Variants in HTT observed in about 807,000 individuals in gnomAD.
HTT encodes huntington disease protein.
In HTT, 104 loss-of-function variants were observed where a neutral mutation model predicts 362.3. That is an observed-to-expected ratio of 0.29 (90% confidence interval 0.24 to 0.34). The LOEUF (loss-of-function observed/expected upper bound fraction) is 0.34. Among genes scored for constraint, HTT ranks in the 10% least tolerant of loss-of-function variants. The pLI is 1.00. For synonymous variants in HTT, 1,577 were observed against 1,548.7 expected (o/e 1.02, Z -0.43); for missense variants, 3,301 against 3,928.6 (o/e 0.84, Z 4.27).
At chr4:3,166,752 AG>A (rs1717732981) in intron 29 of HTT, among the ~76,000 whole-genome samples, 1 of 152,268 alleles carries the variant, frequency 6.6e-6, no homozygotes, top group Non-Finnish European at 1.5e-5. Context: ...AGCCAGGCAC[AG>A]GAGAGAATCT....
chr4:3,205,095 G>A (rs1057485163), intron 42 of HTT, among the ~76,000 whole-genome samples: 4 of 152,114 alleles, frequency 2.6e-5, no homozygotes, highest in Non-Finnish European at 5.9e-5. Context: ...AAAATAACTT[G>A]TGGGAGTTTT....
Position 3,154,319 on chromosome 4 carries a change from C to T in HTT, c.3525C>T (p.Pro1175=), listed in dbSNP as rs2110211816. 2 of 1,604,914 alleles carry T rather than the reference C, an allele frequency of 1.2e-6. No homozygotes were observed. Among genetic ancestry groups the T allele is most frequent in the Admixed American group, 1.7e-5 (1 of 58,602 alleles). Residue 1175 remains proline, a synonymous_variant, in exon 27 of 67, where the codon CCC becomes CCT. Coordinates refer to ENST00000355072, the MANE Select transcript of HTT (RefSeq NM_001388492.1). ...IKAALPSLTN[P]PSLSPIRRKG... is the part of the protein sequence containing the mutation. The stretch of plus-strand genomic sequence containing the variant: ...CAGCCTTGCCTTCTCTAACAAACCC[C>T]CCTTCTCTAAGTCCCATCCGACGAA...
intron 3 of HTT, among the ~76,000 whole-genome samples, chr4:3,102,114 C>T (rs1483223519): frequency 1.3e-5 from 2 of 151,940 alleles, no homozygotes; most frequent in Non-Finnish European, 2.9e-5. Flanking sequence ...CCGGTGAGGA[C>T]GTGGGGTAGA....
rs2110279363 is a variant in HTT, at chr4:3,215,130, C to A, written c.6973C>A (p.Gln2325Lys). 6.2e-7 allele frequency: 1 copy of A among 1,613,906 alleles called. No individual in the cohort carries two copies. The highest frequency in any genetic ancestry group is 1.3e-5 in the African/African-American group (1 of 75,040). ...LEAVAVQPGE[Q>K]LLSPERRTNT... is the part of the protein sequence containing the mutation. ...TTTAGTTGCAGTGCAGCCTGGAGAG[C>A]AGCTTCTTAGTCCAGAAAGAAGGAC... The change falls in exon 51 of 67, where the codon CAG (glutamine) becomes AAG (lysine). Residue 2325 changes from glutamine to lysine, a missense_variant. This residue lies in a region of HTT where 220 missense variants were observed against 218.5 expected (regional missense o/e 1.01). Coordinates refer to ENST00000355072, the MANE Select transcript of HTT (RefSeq NM_001388492.1).
At position 3,224,033 on chromosome 4, in the gene HTT, A is replaced by G. The variant is rs374647004; in HGVS notation, c.7667A>G (p.Gln2556Arg). 109 of 1,613,938 alleles carry G rather than the reference A, an allele frequency of 6.8e-5. No homozygotes were observed. Among genetic ancestry groups the G allele is most frequent in the Non-Finnish European group, 8.7e-5 (103 of 1,179,874 alleles). Residue 2556 changes from glutamine to arginine, a missense_variant, in exon 56 of 67, where the codon CAA (glutamine) becomes CGA (arginine). By Grantham distance (43) the Gln-to-Arg change is conservative. Transcript: ENST00000355072. ...AGCATTATCAGAGGGATTGTGGAGC[A>G]AGAGATTCAAGCAATGGTTTCAAAG... ...KLSIIRGIVE[Q>R]EIQAMVSKRE...
Position 3,222,392 on chromosome 4 carries a change from A to G in HTT, c.7375A>G (p.Thr2459Ala). 6.2e-7 allele frequency: 1 copy of G among 1,613,460 alleles called. No homozygotes were observed. ...TGTAACATTTATATTTCTAGGCTGGACCAGTCGTACTCAGTTTGAAGAAAC... is the reference window on the plus strand; with the variant it reads ...TGTAACATTTATATTTCTAGGCTGGGCCAGTCGTACTCAGTTTGAAGAAAC... ...FIYRINTLGWTSRTQFEETWA... is the reference protein window; with the variant it reads ...FIYRINTLGWASRTQFEETWA... Residue 2459 changes from threonine (T) to alanine (A), a missense_variant, in exon 54 of 67, where the codon ACC (threonine) becomes GCC (alanine). Transcript: ENST00000355072.
At chr4:3,214,517 G>A (rs941644110) in intron 50 of HTT, among the ~76,000 whole-genome samples, 1 of 152,058 alleles carries the variant, frequency 6.6e-6, no homozygotes, top group Non-Finnish European at 1.5e-5. Context: ...TAAAATGTTT[G>A]TTTTTATACT....
intron 8 of HTT, among the ~76,000 whole-genome samples, chr4:3,116,925 T>C (rs1258931433): frequency 7.9e-5 from 12 of 152,222 alleles, no homozygotes; most frequent in Non-Finnish European, 2.9e-5. Context: ...TGTCAGGGTT[T>C]TTATTGTGCT....
At chr4:3,212,216 T>G in intron 48 of HTT, 74 bp downstream of exon 48, 1 of 1,164,888 alleles carries the variant, frequency 8.6e-7, no homozygotes, top group Non-Finnish European at 1.2e-6. Flanking sequence ...ACCAAGTAAA[T>G]GTACAATAAA....
Position 3,231,993 on chromosome 4 carries a change from G to A in HTT, c.8266-1170G>A, listed in dbSNP as rs554947060. Among the ~76,000 whole-genome samples the A allele has an allele frequency of 1.8e-4, 28 of 152,294 alleles. No individual in the cohort carries two copies. In the East Asian group the frequency reaches 2.5e-3, roughly 14 times the overall value. On this transcript the variant is annotated intron_variant, in intron 60 of 66. Coordinates refer to ENST00000355072, the MANE Select transcript of HTT (RefSeq NM_001388492.1). ...CATCCTCTGTGAAGGTTTTCAGCGC[G>A]TCATGCTTGGTACCCACGTATCCAG...
intron 2 of HTT, among the ~76,000 whole-genome samples, chr4:3,093,274 C>T (rs1713616050): frequency 6.6e-6 from 1 of 152,228 alleles, no homozygotes; most frequent in African/African-American, 2.4e-5. Context: ...TGGAAAACCT[C>T]AGCTCTCATA....
intron 51 of HTT, 69 bp downstream of exon 51, chr4:3,215,280 G>A (rs1013518081): frequency 4.0e-5 from 46 of 1,148,242 alleles, no homozygotes; most frequent in Admixed American, 7.7e-5. Context: ...TCACAGAGAC[G>A]TGCACCGCGG....
rs955940329 is a variant in HTT at position 3,113,033 on chromosome 4, C to T, written c.748-2271C>T. The T allele has an allele frequency of 9.2e-6, 9 of 978,298 alleles. No homozygotes were observed. In the African/African-American group the frequency reaches 1.6e-4, roughly 17 times the overall value. The allele number at this position is 978,298 out of a possible 1,614,324, so 60.6% of individuals were successfully genotyped here. On this transcript the variant is annotated intron_variant, in intron 6 of 66. Transcript: ENST00000355072. ...GTTTAATGATTCATGCATCTCTTCC[C>T]TTTTGAAGTACTCTTACAGGTATGT...
intron 38 of HTT, 127 bp from the exon 39 acceptor site, chr4:3,187,524 A>T (rs979278412): frequency 2.9e-6 from 2 of 681,950 alleles, no homozygotes; most frequent in Non-Finnish European, 5.2e-6. Flanking sequence ...TTTGGGACTC[A>T]GTGATAGAGA....
intron 51 of HTT, among the ~76,000 whole-genome samples, 166 bp downstream of exon 51, chr4:3,215,377 T>C (rs1055181578): frequency 4.6e-5 from 7 of 152,162 alleles, no homozygotes; most frequent in Non-Finnish European, 1.5e-5. Context: ...GTCCATTGCT[T>C]TGCCAGCTCT....
At chr4:3,078,758 G>A (rs769212756) in intron 1 of HTT, among the ~76,000 whole-genome samples, 10 of 150,948 alleles carry the variant, frequency 6.6e-5, no homozygotes, top group Admixed American at 2.6e-4. Flanking sequence ...CCCCCGAGAC[G>A]GAGTCTTGCT....
At chr4:3,120,183 T>G (rs899788286) in intron 8 of HTT, among the ~76,000 whole-genome samples, 2 of 152,164 alleles carry the variant, frequency 1.3e-5, no homozygotes, top group African/African-American at 4.8e-5. Flanking sequence ...ATATTAAAGA[T>G]AGGGTTGGCA....
At chr4:3,173,328 GC>G in intron 31 of HTT, 197 bp downstream of exon 31, 1 of 582,362 alleles carries the variant, frequency 1.7e-6, no homozygotes, top group Non-Finnish European at 3.1e-6. Context: ...GAAGTGTGTG[GC>G]CAGTGAGTGA....
At chr4:3,212,957 G>T in intron 49 of HTT, 1 of 455,704 alleles carries the variant, frequency 2.2e-6, no homozygotes, top group South Asian at 3.9e-5. Context: ...TACCATGTTA[G>T]GTGGATCCTA....
Sources: allele counts gnomAD v4.1 joint callset (sites outside exome capture counted in the v4.1 genomes callset), GRCh38; gene constraint gnomAD v4.1.1; regional missense constraint gnomAD v4.1.1; transcripts MANE v1.5; gene names NCBI Gene and HGNC (gene_info 2026-07-23, HGNC 2026-07-21).